The following SESN1 variants were observed in gnomAD, a reference collection of about 807,000 sequenced individuals.
SESN1 encodes the protein sestrin-1.
SESN1 carries 30 observed loss-of-function variants against 59.3 expected under a neutral mutation model. The ratio of observed to expected loss-of-function variants is 0.51; its 90% CI spans 0.38 to 0.69. The LOEUF (loss-of-function observed/expected upper bound fraction) is 0.69, where lower values mean the gene tolerates loss of function less well. Ranked by LOEUF, SESN1 falls within the 30% of genes least tolerant of loss-of-function variation. The probability of loss-of-function intolerance (pLI) is 0.00; values close to 1 mark genes in which losing one functional copy is unlikely to be tolerated. For synonymous variants in SESN1, 197 were observed against 219.9 expected (o/e 0.90, Z 0.92); for missense variants, 566 against 673.0 (o/e 0.84, Z 1.76).
intron 1 of SESN1, among the ~76,000 whole-genome samples, chr6:109,022,660 C>T (rs1337896960): frequency 2.0e-5 from 3 of 151,864 alleles, no homozygotes; most frequent in South Asian, 4.2e-4. Context: ...GTGATCTGTC[C>T]GCCTCGGCCT....
chr6:109,066,313 T>TC lies in SESN1; in HGVS notation c.279+27481_279+27482insG, dbSNP rs1457450043. ...TTAAATCACGAAGGTTTGCTGTTTC[T>TC]TTTTTTTTTTTTTTAAAGTCACTAT... On this transcript the variant is annotated intron_variant, in intron 1 of 9. Coordinates refer to ENST00000436639, the MANE Select transcript of SESN1 (RefSeq NM_014454.3). Among the ~76,000 whole-genome samples, 5 of 141,938 alleles carry TC rather than the reference T, an allele frequency of 3.5e-5. No individual in the cohort carries two copies. The South Asian group carries it at 8.9e-4, about 25-fold the overall frequency. 93.1% of individuals were successfully genotyped at this position (141,938 alleles called of 152,430 possible).
chr6:109,046,811 C>T (rs1471136783), intron 1 of SESN1, among the ~76,000 whole-genome samples: 1 of 137,830 alleles, frequency 7.3e-6, no homozygotes, highest in African/African-American at 2.7e-5. Context: ...TCTGCCCGGC[C>T]GCCCTGTCTG....
intron 1 of SESN1, among the ~76,000 whole-genome samples, chr6:109,085,741 A>G (rs1583301006): frequency 6.6e-6 from 1 of 152,166 alleles, no homozygotes; most frequent in Admixed American, 6.5e-5. Flanking sequence ...AAATTTAGAT[A>G]TTTTACCATC....
intron 1 of SESN1, among the ~76,000 whole-genome samples, chr6:109,055,085 A>C (rs1780607199): frequency 6.6e-6 from 1 of 152,214 alleles, no homozygotes; most frequent in African/African-American, 2.4e-5. Context: ...ATCTGCTCAC[A>C]CAAGGTTCTA....
At chr6:109,045,337 C>T (rs1197412428) in intron 1 of SESN1, among the ~76,000 whole-genome samples, 1 of 152,156 alleles carries the variant, frequency 6.6e-6, no homozygotes, top group Non-Finnish European at 1.5e-5. Flanking sequence ...ATGCCTTTGC[C>T]ACCTTCTAGC....
chr6:109,092,179 G>C (rs1289879615), intron 1 of SESN1, among the ~76,000 whole-genome samples: 2 of 152,198 alleles, frequency 1.3e-5, no homozygotes, highest in Non-Finnish European at 2.9e-5. Flanking sequence ...TTATGAAAGG[G>C]AGAGGAGCAT....
chr6:109,009,526 G>A, intron 1 of SESN1: 1 of 1,180,622 alleles, frequency 8.5e-7, no homozygotes, highest in Non-Finnish European at 1.0e-6. Context: ...CGCGGCTCCT[G>A]GCTGCAGCGC....
intron 1 of SESN1, among the ~76,000 whole-genome samples, chr6:109,027,863 C>CAT (rs879727905): frequency 2.7e-4 from 41 of 151,938 alleles, no homozygotes; most frequent in East Asian, 1.2e-3. Flanking sequence ...CATTTAAATA[C>CAT]ATATATATAT....
rs114850543 is a variant in SESN1 at position 109,034,833 on chromosome 6, A to G, written c.280-32490T>C. 2.4e-3 allele frequency among the ~76,000 whole-genome samples: 362 copies of G among 152,336 alleles called. 1 individual carries two copies. The highest frequency in any genetic ancestry group is 8.3e-3 in the African/African-American group (345 of 41,562). On this transcript the variant is annotated intron_variant, in intron 1 of 9. Transcript: ENST00000436639. ...CTTGATGCTGTTGGAACAACAGAGA[A>G]GGGATTTGAGTTCCTGATGATTATA...
At chr6:109,087,482 A>C (rs1781232775) in intron 1 of SESN1, among the ~76,000 whole-genome samples, 2 of 152,226 alleles carry the variant, frequency 1.3e-5, no homozygotes, top group Admixed American at 1.3e-4. Flanking sequence ...GAATGAGAGG[A>C]GGCAATGAGA....
chr6:109,087,416 G>T (rs1307854053), intron 1 of SESN1, among the ~76,000 whole-genome samples: 1 of 152,086 alleles, frequency 6.6e-6, no homozygotes. Context: ...GAAAACCTGA[G>T]AATAAAGAAT....
chr6:109,087,620 T>C (rs1781235015), intron 1 of SESN1, among the ~76,000 whole-genome samples: 1 of 152,172 alleles, frequency 6.6e-6, no homozygotes, highest in Non-Finnish European at 1.5e-5. Context: ...GACTCTCATA[T>C]TTGCTGTGAT....
chr6:109,068,654 A>G (rs1780875650), intron 1 of SESN1, among the ~76,000 whole-genome samples: 1 of 152,098 alleles, frequency 6.6e-6, no homozygotes, highest in Non-Finnish European at 1.5e-5. Flanking sequence ...TTCAATCTTT[A>G]TATTGAAAAG....
At chr6:109,009,569 G>A (rs1360905748) in intron 1 of SESN1, 1 of 1,105,774 alleles carries the variant, frequency 9.0e-7, no homozygotes, top group Non-Finnish European at 1.1e-6. Flanking sequence ...GGGGCGGGGC[G>A]GCGCCGACAA....
chr6:109,081,053 A>T (rs1446799655), intron 1 of SESN1, among the ~76,000 whole-genome samples: 1 of 152,018 alleles, frequency 6.6e-6, no homozygotes. Flanking sequence ...AAAAAAAAAA[A>T]TCTGAAATCT....
rs1266402509 is a variant in SESN1, at chr6:108,987,624, C to T, written c.1576G>A (p.Val526Ile). 1.9e-6 allele frequency: 3 copies of T among 1,569,912 alleles called. No homozygotes were observed. Among genetic ancestry groups the T allele is most frequent in the Non-Finnish European group, 2.6e-6 (3 of 1,141,714 alleles). The change falls in exon 10 of 10, where the codon GTT (valine) becomes ATT (isoleucine). Residue 526 changes from valine to isoleucine, a missense_variant. Physicochemically the swap from Val to Ile is conservative, Grantham distance 29 (BLOSUM62 3). Coordinates refer to ENST00000436639, the MANE Select transcript of SESN1 (RefSeq NM_014454.3). ...RQFKHSEKVHVNLLLIEARMQ... is the reference protein window; with the variant it reads ...RQFKHSEKVHINLLLIEARMQ... Reference sequence around the variant, plus strand: ...CTAGCTTCTATAAGAAGCAGATTAACATGAACCTGAATATAAAATACAACA... The same window carrying T: ...CTAGCTTCTATAAGAAGCAGATTAATATGAACCTGAATATAAAATACAACA...
chr6:108,990,529 T>C (rs75965383), intron 8 of SESN1, 116 bp downstream of exon 8: 28 of 895,460 alleles, frequency 3.1e-5, no homozygotes, highest in Middle Eastern at 5.0e-4. Flanking sequence ...AAATAAGTTA[T>C]TGGGGAGGGG....
At chr6:109,054,709 A>G (rs1285836255) in intron 1 of SESN1, among the ~76,000 whole-genome samples, 2 of 151,942 alleles carry the variant, frequency 1.3e-5, no homozygotes, top group Non-Finnish European at 2.9e-5. Context: ...CCATTTTTCT[A>G]TTTTTGTCTT....
intron 1 of SESN1, among the ~76,000 whole-genome samples, chr6:109,067,959 A>G (rs1228699099): frequency 1.3e-5 from 2 of 152,178 alleles, no homozygotes; most frequent in Non-Finnish European, 2.9e-5. Context: ...CAGGGAGAAG[A>G]AGGTCAGGGT....
Sources: allele counts gnomAD v4.1 joint callset (sites outside exome capture counted in the v4.1 genomes callset), GRCh38; gene constraint gnomAD v4.1.1; transcripts MANE v1.5; gene names NCBI Gene and HGNC (gene_info 2026-07-23, HGNC 2026-07-21).